MCF2: variants seen among roughly 807,000 people sequenced by gnomAD.
The protein encoded by MCF2 is proto-oncogene DBL.
A neutral mutation model predicts 82.5 loss-of-function variants in MCF2; 44 were observed. That is an observed-to-expected ratio of 0.53 (90% CI 0.42 to 0.69). MCF2 has a LOEUF of 0.69. Among genes scored for constraint, MCF2 ranks in the 30% least tolerant of loss-of-function variants. The pLI is 0.00. For synonymous variants in MCF2, 217 were observed against 224.9 expected (o/e 0.96, Z 0.32); for missense variants, 623 against 663.1 (o/e 0.94, Z 0.66).
exon 25 of MCF2, chrX:139,582,255 C>G (rs1928535459): frequency 4.5e-6 from 2 of 445,251 alleles, no homozygotes; most frequent in Non-Finnish European, 8.0e-6. Context: ...CAATATCTGA[C>G]ACATTAAATA....
intron 1 of MCF2, among the ~76,000 whole-genome samples, chrX:139,688,364 A>C (rs1387540465): frequency 8.9e-6 from 1 of 111,948 alleles, no homozygotes; most frequent in Admixed American, 9.5e-5. Context: ...ACATATTTTA[A>C]GGGGAAAAAG....
Position 139,596,592 on chromosome X carries a change from C to A in MCF2, c.2234G>T (p.Gly745Val), listed in dbSNP as rs1402613865. The A allele has an allele frequency of 3.3e-6, 4 of 1,208,591 alleles. No individual in the cohort carries two copies. Among genetic ancestry groups the A allele is most frequent in the Non-Finnish European group, 4.5e-6 (4 of 894,131 alleles). The change falls in exon 19 of 25, where the codon GGC becomes GTC. Residue 745 changes from glycine to valine, a missense_variant. Gly to Val is a moderately radical substitution (Grantham distance 109). Transcript: ENST00000370576. ...ACTGTATGACGGGTATCTGTCAGAG[C>A]CTTCTCCACTTTCAACACGCCTTTT...
intron 1 of MCF2, among the ~76,000 whole-genome samples, chrX:139,701,632 A>G: frequency 9.0e-6 from 1 of 111,609 alleles, no homozygotes; most frequent in South Asian, 3.8e-4. Context: ...TGAAATAACC[A>G]CCTACCTACT....
At chrX:139,588,545 C>A in intron 20 of MCF2, 107 bp from the exon 25 acceptor site, 1 of 444,567 alleles carries the variant, frequency 2.2e-6, no homozygotes, top group Non-Finnish European at 3.9e-6. Flanking sequence ...TGATCTACTC[C>A]CTATAACACC....
chrX:139,608,565 A>C (rs1324244077), intron 11 of MCF2, among the ~76,000 whole-genome samples: 1 of 111,303 alleles, frequency 9.0e-6, no homozygotes, highest in African/African-American at 3.3e-5. Flanking sequence ...TGAGCTTGCC[A>C]AAAGCCTGAC....
chrX:139,703,465 G>A lies in MCF2; in HGVS notation c.-45+4641C>T, dbSNP rs771914021. Among the ~76,000 whole-genome samples, 4 of 112,050 alleles carry A rather than the reference G, an allele frequency of 3.6e-5. No individual in the cohort carries two copies. In the East Asian group the frequency reaches 8.4e-4, roughly 24 times the overall value. On this transcript the variant is annotated intron_variant, in intron 1 of 27. Transcript: ENST00000414978. The stretch of plus-strand genomic sequence containing the variant: ...AAATAGGAAAGGATAGGCTGGGCAC[G>A]GTGGCTCATGCCTGTAATCCCAGCA...
chrX:139,685,636 C>G (rs755790622), intron 1 of MCF2, among the ~76,000 whole-genome samples: 1 of 110,820 alleles, frequency 9.0e-6, no homozygotes, highest in Non-Finnish European at 1.9e-5. Context: ...TGCTCCCAGC[C>G]GAATAAACTG....
chrX:139,645,453 C>T, upstream of MCF2: 1 of 414,014 alleles, frequency 2.4e-6, no homozygotes, highest in South Asian at 5.3e-5. Context: ...TCCCTCCTCA[C>T]ATTCCATCAA....
At chrX:139,587,570 C>G (rs2272999) in intron 22 of MCF2, 146 bp downstream of exon 26, 11,377 of 446,629 alleles carry the variant, frequency 0.025, 240 homozygotes, top group East Asian at 0.12. Context: ...GGCTGGACCT[C>G]AGAAAATGAT....
intron 1 of MCF2, among the ~76,000 whole-genome samples, chrX:139,671,995 A>G (rs1298311748): frequency 9.0e-6 from 1 of 111,455 alleles, no homozygotes; most frequent in African/African-American, 3.3e-5. Context: ...TTTGCTGAGC[A>G]GTGGTTTGTA....
At chrX:139,593,494 C>T (rs1403188874) in intron 19 of MCF2, among the ~76,000 whole-genome samples, 5 of 110,749 alleles carry the variant, frequency 4.5e-5, no homozygotes, top group African/African-American at 1.3e-4. Flanking sequence ...TGAAACTATT[C>T]CAATCAATAG....
rs190877152 is a variant in MCF2, at chrX:139,586,635, T to C, written c.2523-148A>G. ...AGCCAATACTCCCTATTTAAATCTG[T>C]GTGGCAATAGGTTATAATATACAAA... On this transcript the variant is annotated intron_variant, in intron 22 of 24. Coordinates refer to ENST00000370576, the Ensembl canonical transcript of MCF2. The C allele has an allele frequency of 9.5e-6, 4 of 422,862 alleles. No homozygotes were observed. The East Asian group carries it at 1.5e-4, about 16-fold the overall frequency. The allele number at this position is 422,862 out of a possible 1,213,427, so 34.8% of individuals were successfully genotyped here.
chrX:139,614,238 T>C (rs1569357946), intron 10 of MCF2, among the ~76,000 whole-genome samples: 1 of 111,571 alleles, frequency 9.0e-6, no homozygotes, highest in African/African-American at 3.3e-5. Context: ...AAAATAGATC[T>C]TACATGGATA....
chrX:139,662,411 G>A (rs924539946), intron 1 of MCF2, among the ~76,000 whole-genome samples: 13 of 110,329 alleles, frequency 1.2e-4, no homozygotes, highest in African/African-American at 4.3e-4. Context: ...AAACAGTCTC[G>A]AAACAAAAGG....
At chrX:139,618,241 A>T in intron 7 of MCF2, among the ~76,000 whole-genome samples, 1 of 109,446 alleles carries the variant, frequency 9.1e-6, no homozygotes, top group Non-Finnish European at 1.9e-5. Flanking sequence ...CGAACATAGT[A>T]GGGGTTCAAG....
chrX:139,595,738 TA>T (rs1930024940), intron 19 of MCF2, among the ~76,000 whole-genome samples: 3 of 107,097 alleles, frequency 2.8e-5, no homozygotes, highest in South Asian at 8.0e-4. Context: ...AATAATAAAA[TA>T]AAAAAATAAA....
intron 2 of MCF2, among the ~76,000 whole-genome samples, chrX:139,650,808 T>C (rs1412840601): frequency 8.9e-6 from 1 of 111,743 alleles, no homozygotes; most frequent in Non-Finnish European, 1.9e-5. Context: ...GATGAACAGA[T>C]AAACAAAGTG....
At chrX:139,604,515 T>C (rs1930825125) in intron 15 of MCF2, among the ~76,000 whole-genome samples, 166 bp downstream of exon 19, 1 of 110,691 alleles carries the variant, frequency 9.0e-6, no homozygotes, top group African/African-American at 3.3e-5. Flanking sequence ...TGCATCCATT[T>C]CTGCAGCAAA....
intron 2 of MCF2, among the ~76,000 whole-genome samples, chrX:139,651,028 G>T (rs1336153163): frequency 9.0e-6 from 1 of 111,330 alleles, no homozygotes; most frequent in African/African-American, 3.3e-5. Flanking sequence ...GGGCTAGAGA[G>T]AGGAAGGAAT....
Sources: gnomAD v4.1 joint callset for allele counts (sites outside exome capture counted in the v4.1 genomes callset) on GRCh38, gnomAD v4.1.1 for gene constraint, MANE v1.5 for transcripts, NCBI Gene and HGNC (gene_info 2026-07-23, HGNC 2026-07-21) for gene names.